The following WASHC3 variants were observed in gnomAD, a reference collection of about 807,000 sequenced individuals.
WASHC3 encodes the protein WASH complex subunit 3.
In WASHC3, 24 loss-of-function variants were observed where a neutral mutation model predicts 26.1. The observed-to-expected ratio is 0.92, with a 90% CI of 0.66 to 1.29. The LOEUF (loss-of-function observed/expected upper bound fraction) is 1.29. Ranked by LOEUF, WASHC3 falls within the 50% of genes most tolerant of loss-of-function variation. The probability of loss-of-function intolerance (pLI) is 0.00; values close to 1 mark genes in which losing one functional copy is unlikely to be tolerated. For missense variants in WASHC3, 214 were observed against 229.6 expected, an observed-to-expected ratio of 0.93 and a Z score of 0.44; for synonymous variants, 77 against 75.7, an observed-to-expected ratio of 1.02 and a Z score of -0.09.
intron 2 of WASHC3, among the ~76,000 whole-genome samples, chr12:102,048,099 G>A (rs991254153): frequency 6.6e-6 from 1 of 152,184 alleles, no homozygotes; most frequent in East Asian, 1.9e-4. Context: ...TGATCAATTC[G>A]TTTCTCACTA....
chr12:102,052,036 G>T (rs936036052), intron 2 of WASHC3, among the ~76,000 whole-genome samples: 8 of 152,190 alleles, frequency 5.3e-5, no homozygotes, highest in African/African-American at 1.9e-4. Context: ...CAAGATGGGG[G>T]AATAGGACTT....
intron 5 of WASHC3, among the ~76,000 whole-genome samples, chr12:102,037,969 A>G (rs1270507873): frequency 6.6e-6 from 1 of 151,712 alleles, no homozygotes; most frequent in Non-Finnish European, 1.5e-5. Context: ...CTAATTTTGT[A>G]TTTTTAGTAG....
intron 2 of WASHC3, among the ~76,000 whole-genome samples, chr12:102,048,581 A>G (rs1443813937): frequency 6.6e-6 from 1 of 152,104 alleles, no homozygotes; most frequent in Non-Finnish European, 1.5e-5. Flanking sequence ...AAAAAAAAGA[A>G]AAAGAAAAAA....
intron 4 of WASHC3, 39 bp from the exon 5 acceptor site, chr12:102,040,017 C>A: frequency 2.2e-6 from 2 of 900,492 alleles, no homozygotes; most frequent in East Asian, 2.6e-5. Flanking sequence ...AGACAATTTA[C>A]AAAAGGGGTC....
Position 102,014,319 on chromosome 12 carries a change from C to G in WASHC3, c.501-1127G>C, listed in dbSNP as rs1338619335. 1.7e-4 allele frequency among the ~76,000 whole-genome samples: 25 copies of G among 145,830 alleles called. No individual in the cohort carries two copies. In the Admixed American group the frequency reaches 1.8e-3, roughly 10 times the overall value. On this transcript the variant is annotated intron_variant, in intron 6 of 6. Transcript: ENST00000240079. Reference sequence around the variant, plus strand: ...ATCTCCTGACCCTGTGATCCACCCGCTCTGGCCTCCCAAAGTGCTGGGATT... The same window carrying G: ...ATCTCCTGACCCTGTGATCCACCCGGTCTGGCCTCCCAAAGTGCTGGGATT...
At chr12:102,032,467 T>C (rs1444064385) in intron 5 of WASHC3, among the ~76,000 whole-genome samples, 2 of 152,118 alleles carry the variant, frequency 1.3e-5, no homozygotes, top group Non-Finnish European at 2.9e-5. Context: ...ATAAAAGCAA[T>C]ATGTAATTTA....
intron 4 of WASHC3, among the ~76,000 whole-genome samples, chr12:102,042,450 G>A (rs1220697960): frequency 1.3e-5 from 2 of 152,138 alleles, no homozygotes; most frequent in African/African-American, 4.8e-5. Context: ...GTGTAGTGTA[G>A]TGTAGTATAG....
rs564743650 is a variant in WASHC3 at position 102,017,823 on chromosome 12, A to G, written c.501-4631T>C. 2.8e-5 allele frequency: 12 copies of G among 429,438 alleles called. No individual in the cohort carries two copies. In the East Asian group the frequency reaches 8.7e-4, roughly 31 times the overall value. 26.6% of individuals were successfully genotyped at this position (429,438 alleles called of 1,614,324 possible). On this transcript the variant is annotated intron_variant, in intron 6 of 6. Coordinates refer to ENST00000240079, the MANE Select transcript of WASHC3 (RefSeq NM_016053.4). The stretch of plus-strand genomic sequence containing the variant: ...TAATTTTTCTTATTGTAAAATACAG[A>G]TAACATAAAATTTAATATTGTAACC...
At chr12:102,042,607 TG>T (rs1405058910) in intron 4 of WASHC3, among the ~76,000 whole-genome samples, 2 of 152,198 alleles carry the variant, frequency 1.3e-5, no homozygotes, top group African/African-American at 4.8e-5. Context: ...ATTGATAATA[TG>T]GTGCTTACAT....
At chr12:102,040,578 A>G (rs1877898072) in intron 4 of WASHC3, 1 of 152,090 alleles carries the variant, frequency 6.6e-6, no homozygotes, top group Non-Finnish European at 1.5e-5. Context: ...TAATGGTAAC[A>G]TTGTCTACAG....
intron 6 of WASHC3, among the ~76,000 whole-genome samples, chr12:102,025,576 A>G (rs573431600): frequency 1.3e-5 from 2 of 151,786 alleles, no homozygotes; most frequent in South Asian, 2.1e-4. Flanking sequence ...AAGATCTTAC[A>G]TGAAATCATC....
intron 6 of WASHC3, chr12:102,019,421 T>C (rs938721632): frequency 2.8e-6 from 1 of 360,760 alleles, no homozygotes; most frequent in Non-Finnish European, 5.4e-6. Flanking sequence ...TTTGAAAAAG[T>C]TGCTACCTTA....
At chr12:102,054,316 C>T (rs552337369) in intron 2 of WASHC3, among the ~76,000 whole-genome samples, 2 of 152,140 alleles carry the variant, frequency 1.3e-5, no homozygotes, top group Non-Finnish European at 2.9e-5. Context: ...AAATAAGACC[C>T]AACTACCTGC....
At chr12:102,055,330 G>A (rs115878203) in intron 2 of WASHC3, among the ~76,000 whole-genome samples, 3,024 of 152,210 alleles carry the variant, frequency 0.02, 105 homozygotes, top group African/African-American at 0.07. Context: ...AAGAATCAGC[G>A]AAGCTTTTCT....
At chr12:102,037,782 T>G (rs1441959378) in intron 5 of WASHC3, among the ~76,000 whole-genome samples, 3 of 139,640 alleles carry the variant, frequency 2.1e-5, no homozygotes, top group Admixed American at 1.5e-4. Context: ...TTTTATTCAG[T>G]TTTTTTTTTG....
At chr12:102,031,699 C>A (rs113620809) in intron 5 of WASHC3, among the ~76,000 whole-genome samples, 1 of 152,100 alleles carries the variant, frequency 6.6e-6, no homozygotes, top group African/African-American at 2.4e-5. Context: ...TCCCACAAAC[C>A]TTCATGTACT....
intron 5 of WASHC3, among the ~76,000 whole-genome samples, chr12:102,036,018 A>G (rs1594359122): frequency 6.6e-6 from 1 of 152,218 alleles, no homozygotes; most frequent in South Asian, 2.1e-4. Flanking sequence ...GAGAAGGAAA[A>G]GCATGGAGCT....
At chr12:102,014,875 C>T (rs1440577264) in intron 6 of WASHC3, among the ~76,000 whole-genome samples, 1 of 152,176 alleles carries the variant, frequency 6.6e-6, no homozygotes, top group Admixed American at 6.5e-5. Context: ...TGATTTCTTA[C>T]TGTCTATACT....
At chr12:102,038,088 C>T (rs1877753878) in intron 5 of WASHC3, among the ~76,000 whole-genome samples, 1 of 152,156 alleles carries the variant, frequency 6.6e-6, no homozygotes, top group Non-Finnish European at 1.5e-5. Context: ...AGCCACCATG[C>T]CCGGCCCGGG....
Sources: gnomAD v4.1 joint callset for allele counts (sites outside exome capture counted in the v4.1 genomes callset) on GRCh38, gnomAD v4.1.1 for gene constraint, MANE v1.5 for transcripts, NCBI Gene and HGNC (gene_info 2026-07-23, HGNC 2026-07-21) for gene names.